Variants in TG observed in about 807,000 individuals in gnomAD.
TG encodes the protein thyroid hormones.
In TG, 270 loss-of-function variants were observed where a neutral mutation model predicts 324.7. The observed-to-expected ratio is 0.83, with a 90% CI of 0.75 to 0.92. The LOEUF is 0.92. Among genes scored for constraint, TG ranks in the 40% least tolerant of loss-of-function variants. The pLI, the probability that TG is intolerant of heterozygous loss-of-function variation, is 0.00. For synonymous variants in TG, 1,401 were observed against 1,327.0 expected, an observed-to-expected ratio of 1.06 and a Z score of -1.21; for missense variants, 3,591 against 3,456.4, an observed-to-expected ratio of 1.04 and a Z score of -0.98.
At chr8:132,975,434 T>A (rs1830062927) in intron 34 of TG, among the ~76,000 whole-genome samples, 1 of 152,226 alleles carries the variant, frequency 6.6e-6, no homozygotes, top group Admixed American at 6.5e-5. Context: ...CCATCTGTTC[T>A]TTTTCTTTTC....
chr8:132,969,423 T>C lies in TG; in HGVS notation c.5864-35T>C, dbSNP rs775486212. On this transcript the variant is annotated intron_variant, in intron 31 of 47. Transcript: ENST00000220616. ...CATATTTTCATGACTACAGCAAATC[T>C]CTAAGTAATGTATTTTCTTTCTTCC... The C allele has an allele frequency of 7.7e-6, 11 of 1,437,152 alleles. No individual in the cohort carries two copies. In the East Asian group the frequency reaches 2.5e-4, roughly 33 times the overall value. The allele number at this position is 1,437,152 out of a possible 1,614,324, so 89.0% of individuals were successfully genotyped here.
At chr8:133,054,851 G>A (rs925975524) in intron 41 of TG, among the ~76,000 whole-genome samples, 12 of 152,150 alleles carry the variant, frequency 7.9e-5, no homozygotes, top group Non-Finnish European at 1.5e-5. Flanking sequence ...AAGAGAGGAC[G>A]GGCCCTTTTG....
At chr8:133,004,123 C>A (rs1350594578) in intron 35 of TG, among the ~76,000 whole-genome samples, 1 of 152,172 alleles carries the variant, frequency 6.6e-6, no homozygotes, top group East Asian at 1.9e-4. Flanking sequence ...TCCTTCAGGG[C>A]CACTGTTGCC....
At chr8:133,088,923 C>A (rs1847043437) in intron 41 of TG, among the ~76,000 whole-genome samples, 1 of 150,378 alleles carries the variant, frequency 6.6e-6, no homozygotes, top group African/African-American at 2.5e-5. Context: ...CAAGAGAATA[C>A]AAATATAAAC....
chr8:132,897,369 C>T (rs1817270455), intron 11 of TG, among the ~76,000 whole-genome samples: 1 of 152,172 alleles, frequency 6.6e-6, no homozygotes. Context: ...TGCCTGAAGA[C>T]ACTTCACTGA....
At chr8:132,987,713 G>C (rs556383258) in intron 35 of TG, among the ~76,000 whole-genome samples, 2 of 105,472 alleles carry the variant, frequency 1.9e-5, no homozygotes, top group Non-Finnish European at 4.1e-5. Flanking sequence ...TTATACGTGT[G>C]TGTGTGTGGT....
intron 41 of TG, among the ~76,000 whole-genome samples, chr8:133,036,383 A>C (rs1837132525): frequency 1.3e-5 from 2 of 152,232 alleles, no homozygotes; most frequent in Non-Finnish European, 2.9e-5. Flanking sequence ...AGGTGTCCAG[A>C]AATATCTGCA....
In TG at chr8:132,906,807, G is replaced by A. The variant is rs1238114567; in HGVS notation, c.3754G>A (p.Gly1252Ser). 1.2e-6 allele frequency: 2 copies of A among 1,614,078 alleles called. No homozygotes were observed. Among genetic ancestry groups the A allele is most frequent in the South Asian group, 1.1e-5 (1 of 91,090 alleles). Reference protein sequence around the residue: ...MQQCQLLCRQGSWSVFPPGPL... With the variant: ...MQQCQLLCRQSSWSVFPPGPL... ...GCAGTGCCAATTGCTGTGCCGCCAG[G>A]GCTCCTGGAGCGTGTTTCCACCAGG... The change falls in exon 17 of 48, where the codon GGC becomes AGC. Residue 1252 changes from glycine (G) to serine (S), a missense_variant. By Grantham distance (56) the Gly-to-Ser change is moderately conservative. Coordinates refer to ENST00000220616, the MANE Select transcript of TG (RefSeq NM_003235.5).
At position 133,034,852 on chromosome 8, in the gene TG, G is replaced by A. The variant is rs1851570; in HGVS notation, c.7239+4829G>A. Among the ~76,000 whole-genome samples, 1,328 of 152,270 alleles carry A rather than the reference G, an allele frequency of 8.7e-3. 13 individuals carry two copies. Among genetic ancestry groups the A allele is most frequent in the African/African-American group, 0.03 (1,261 of 41,542 alleles). On this transcript the variant is annotated intron_variant, in intron 41 of 47. Transcript: ENST00000220616. ...GAGAGGAAGGAGGACCATACCTGCC[G>A]TCTTAGGGCTTTGCTGGTAAGGGGC...
intron 45 of TG, among the ~76,000 whole-genome samples, chr8:133,128,886 A>T (rs975263116): frequency 6.6e-6 from 1 of 152,214 alleles, no homozygotes; most frequent in Non-Finnish European, 1.5e-5. Flanking sequence ...CAGGGCAATG[A>T]AGCCACATGA....
At chr8:132,896,956 G>C (rs1029633955) in intron 11 of TG, among the ~76,000 whole-genome samples, 18 of 152,278 alleles carry the variant, frequency 1.2e-4, no homozygotes, top group Non-Finnish European at 2.6e-4. Context: ...GGTGGCCAGT[G>C]GTTCATCATA....
At chr8:132,956,716 C>T (rs1024550695) in intron 27 of TG, among the ~76,000 whole-genome samples, 6 of 152,152 alleles carry the variant, frequency 3.9e-5, no homozygotes, top group Admixed American at 6.5e-5. Flanking sequence ...ATCCTTGTAG[C>T]TCCTGCAGGA....
At chr8:133,130,341 C>T in intron 45 of TG, among the ~76,000 whole-genome samples, 1 of 152,218 alleles carries the variant, frequency 6.6e-6, no homozygotes, top group East Asian at 1.9e-4. Context: ...AAACCTGTGA[C>T]TGTGTTACCT....
chr8:132,968,148 G>A (rs971702277), intron 31 of TG, among the ~76,000 whole-genome samples, 178 bp downstream of exon 31: 3 of 152,072 alleles, frequency 2.0e-5, no homozygotes, highest in Non-Finnish European at 2.9e-5. Flanking sequence ...AAACTACTAC[G>A]TAATTGTCTC....
intron 34 of TG, among the ~76,000 whole-genome samples, chr8:132,974,532 G>C (rs1829961061): frequency 6.6e-6 from 1 of 152,160 alleles, no homozygotes; most frequent in African/African-American, 2.4e-5. Context: ...AACAGAGGCA[G>C]GCTTCAGGCC....
chr8:133,019,752 C>T, intron 39 of TG, 57 bp downstream of exon 39: 1 of 1,441,152 alleles, frequency 6.9e-7, no homozygotes, highest in Non-Finnish European at 9.7e-7. Context: ...TAGAAATCCA[C>T]TGTCCCCACT....
At chr8:133,124,307 T>A (rs1187424151) in intron 45 of TG, among the ~76,000 whole-genome samples, 1 of 152,314 alleles carries the variant, frequency 6.6e-6, no homozygotes, top group African/African-American at 2.4e-5. Context: ...ATCCCGATGG[T>A]GTGGAAGATG....
At chr8:133,054,621 A>G (rs1841024229) in intron 41 of TG, among the ~76,000 whole-genome samples, 1 of 152,252 alleles carries the variant, frequency 6.6e-6, no homozygotes, top group Non-Finnish European at 1.5e-5. Context: ...AGTGTTAGCC[A>G]ATAACTTTCT....
rs1490125790 is a variant in TG, at chr8:132,923,273, GGGAGTA to G, written c.4529-59_4529-54del. On this transcript the variant is annotated intron_variant, in intron 21 of 47. Transcript: ENST00000220616. The stretch of plus-strand genomic sequence containing the variant: ...ACACCTTGTCAATGACCGAGAGCCT[GGGAGTA>G]GGAGTCAGGGGATTCCAGAGGCCCA... 5.7e-6 allele frequency: 9 copies of G among 1,575,996 alleles called. No homozygotes were observed. In the Middle Eastern group the frequency reaches 5.4e-4, roughly 95 times the overall value.
Sources: gnomAD v4.1 joint callset for allele counts (sites outside exome capture counted in the v4.1 genomes callset) on GRCh38, gnomAD v4.1.1 for gene constraint, MANE v1.5 for transcripts, NCBI Gene and HGNC (gene_info 2026-07-23, HGNC 2026-07-21) for gene names.